The following MCF2L variants were observed in gnomAD, a reference collection of about 807,000 sequenced individuals.
MCF2L encodes MCF.2 cell line derived transforming sequence like, also known as guanine nucleotide exchange factor DBS.
Under a neutral mutation model 153.4 loss-of-function variants are expected in MCF2L, and 97 were observed. The observed-to-expected ratio is 0.63, with a 90% CI of 0.54 to 0.75. The LOEUF is 0.75. Among genes scored for constraint, MCF2L ranks in the 30% least tolerant of loss-of-function variants. MCF2L has a pLI of 0.00. For missense variants in MCF2L, 1,347 were observed against 1,495.2 expected (o/e 0.90, Z 1.64); for synonymous variants, 659 against 632.2 (o/e 1.04, Z -0.64).
intron 1 of MCF2L, among the ~76,000 whole-genome samples, chr13:112,990,356 T>G (rs1237643269): frequency 6.6e-6 from 1 of 152,238 alleles, no homozygotes; most frequent in Non-Finnish European, 1.5e-5. Context: ...GAGACCACTT[T>G]GTCTTCACCC....
At chr13:112,995,298 A>G (rs1180372920) in intron 1 of MCF2L, among the ~76,000 whole-genome samples, 1 of 152,204 alleles carries the variant, frequency 6.6e-6, no homozygotes, top group Non-Finnish European at 1.5e-5. Flanking sequence ...CCTCCTGAAC[A>G]TGCCTGTTTG....
chr13:113,014,897 G>C, intron 2 of MCF2L, 51 bp downstream of exon 2: 1 of 1,566,240 alleles, frequency 6.4e-7, no homozygotes, highest in Middle Eastern at 1.7e-4. Context: ...CTGGGGCCGG[G>C]TGTGGGCCGA....
chr13:113,014,272 C>T (rs1566737237), intron 1 of MCF2L, among the ~76,000 whole-genome samples: 1 of 152,196 alleles, frequency 6.6e-6, no homozygotes, highest in Non-Finnish European at 1.5e-5. Flanking sequence ...GGCACAGACC[C>T]CCGAGGGTCC....
At chr13:112,911,545 C>G (rs909213955) in intron 2 of MCF2L, among the ~76,000 whole-genome samples, 2 of 152,266 alleles carry the variant, frequency 1.3e-5, no homozygotes, top group Non-Finnish European at 1.5e-5. Context: ...CCTCTGAAAC[C>G]CTCCCTCACT....
At chr13:113,033,465 T>A (rs1231695679) in intron 3 of MCF2L, among the ~76,000 whole-genome samples, 2 of 151,510 alleles carry the variant, frequency 1.3e-5, no homozygotes, top group South Asian at 2.1e-4. Flanking sequence ...GTGGCCCCCG[T>A]GGCGTGAGTG....
rs2081699185 is a variant in MCF2L at position 112,951,992 on chromosome 13, C to G, written c.169+49621C>G. 6.6e-6 allele frequency among the ~76,000 whole-genome samples: 1 copy of G among 152,202 alleles called. No homozygotes were observed. Among genetic ancestry groups the G allele is most frequent in the Admixed American group, 6.5e-5 (1 of 15,286 alleles). On this transcript the variant is annotated intron_variant, in intron 2 of 29. Transcript: ENST00000375608. The surrounding 1 kb of genome is among the most constrained non-coding windows in gnomAD (Gnocchi z 4.8). ...CGTGAAGTGGGAAGAGGGAAAAGGG[C>G]TTTCCTTTTAGGGAATTATGACCTT...
chr13:112,986,751 G>A lies in MCF2L; in HGVS notation c.79+17293G>A, dbSNP rs542290138. 5.3e-5 allele frequency among the ~76,000 whole-genome samples: 8 copies of A among 152,328 alleles called. No homozygotes were observed. The South Asian group carries it at 1.0e-3, about 20-fold the overall frequency. ...GGCCGAGGGTGCCAACCCTGCCCAC[G>A]GGGCCTCAGTCCTGCAGCCGGGTCT... On this transcript the variant is annotated intron_variant, in intron 1 of 29. Transcript: ENST00000535094.
In MCF2L at chr13:112,951,475, G is replaced by A. The variant is rs1041905032; in HGVS notation, c.169+49104G>A. Reference sequence around the variant, plus strand: ...CCCAATGTCTTTTGGTGGGTGAAACGTTAAATTGTACGTCCGCACCATGAA... The same window carrying A: ...CCCAATGTCTTTTGGTGGGTGAAACATTAAATTGTACGTCCGCACCATGAA... On this transcript the variant is annotated intron_variant, in intron 2 of 29. Transcript: ENST00000375608. This position sits in a 1 kb window ranked among gnomAD's most constrained non-coding sequence, Gnocchi z 4.8. Among the ~76,000 whole-genome samples the A allele has an allele frequency of 1.3e-5, 2 of 152,196 alleles. No individual in the cohort carries two copies. Among genetic ancestry groups the A allele is most frequent in the East Asian group, 1.9e-4 (1 of 5,198 alleles).
intron 1 of MCF2L, among the ~76,000 whole-genome samples, chr13:112,996,683 C>T (rs1347363250): frequency 6.6e-6 from 1 of 152,222 alleles, no homozygotes; most frequent in Non-Finnish European, 1.5e-5. Flanking sequence ...CCCGATGGTC[C>T]CGAGACTGTC....
intron 22 of MCF2L, 104 bp from the exon 23 acceptor site, chr13:113,087,603 C>G: frequency 8.5e-7 from 1 of 1,174,110 alleles, no homozygotes; most frequent in Admixed American, 2.0e-5. Context: ...TTAGCCCTCA[C>G]CCCCAAAGTA....
chr13:113,085,270 C>A, intron 20 of MCF2L, 92 bp downstream of exon 20: 1 of 1,080,850 alleles, frequency 9.3e-7, no homozygotes, highest in Non-Finnish European at 1.4e-6. Flanking sequence ...TCGCGCCCTG[C>A]CCCTCCCAGG....
At chr13:112,939,629 T>C (rs2081555200) in intron 2 of MCF2L, among the ~76,000 whole-genome samples, 1 of 152,216 alleles carries the variant, frequency 6.6e-6, no homozygotes, top group Non-Finnish European at 1.5e-5. Context: ...TTGGGTTAAA[T>C]GGAAAGCGTC....
At chr13:112,894,619 GC>G (rs2081047945) in intron 1 of MCF2L, among the ~76,000 whole-genome samples, 1 of 152,080 alleles carries the variant, frequency 6.6e-6, no homozygotes, top group Non-Finnish European at 1.5e-5. Flanking sequence ...GGCCCCCGCG[GC>G]CCCTGCCCAG....
intron 26 of MCF2L, chr13:113,091,270 C>A: frequency 1.6e-6 from 2 of 1,245,368 alleles, no homozygotes; most frequent in Non-Finnish European, 2.1e-6. Context: ...GTCAGGTGGC[C>A]GTCAAGGCCA....
At chr13:113,088,444 G>A (rs781761325) in intron 24 of MCF2L, 39 bp downstream of exon 24, 36 of 1,610,684 alleles carry the variant, frequency 2.2e-5, no homozygotes, top group African/African-American at 5.3e-5. Context: ...CGTAGCTTCC[G>A]CTCCAGGTGC....
intron 26 of MCF2L, chr13:113,091,068 C>T (rs898808243): frequency 4.0e-5 from 52 of 1,303,792 alleles, no homozygotes; most frequent in Middle Eastern, 2.1e-4. Context: ...CGCCTCCCTC[C>T]GTCCTTCACA....
intron 1 of MCF2L, among the ~76,000 whole-genome samples, chr13:113,011,754 G>C (rs2084133390): frequency 7.3e-6 from 1 of 136,124 alleles, no homozygotes; most frequent in Non-Finnish European, 1.6e-5. Context: ...ACCGTGATGA[G>C]GACGGTGGAC....
At position 113,045,711 on chromosome 13, in the gene MCF2L, A is replaced by G. The variant is rs2086768730; in HGVS notation, c.369+350A>G. On this transcript the variant is annotated intron_variant, in intron 4 of 29. Coordinates refer to ENST00000535094, the MANE Select transcript of MCF2L (RefSeq NM_001112732.3). This position sits in a 1 kb window ranked among gnomAD's most constrained non-coding sequence, Gnocchi z 4.2. ...ACATTAGTGATTTTCTCCTTTCCAA[A>G]TCGGGCCATCTATCTTTAGCTGTGA... The G allele has an allele frequency of 3.5e-6, 1 of 284,190 alleles. No homozygotes were observed. Among genetic ancestry groups the G allele is most frequent in the Non-Finnish European group, 6.9e-6 (1 of 145,926 alleles). 17.6% of individuals were successfully genotyped at this position (284,190 alleles called of 1,614,324 possible). A position where few individuals can be genotyped will look rare whatever the true frequency, so the allele number is the denominator to read the frequency against.
At chr13:112,974,273 A>G (rs1414173470) in intron 1 of MCF2L, among the ~76,000 whole-genome samples, 3 of 152,128 alleles carry the variant, frequency 2.0e-5, no homozygotes, top group Non-Finnish European at 4.4e-5. Context: ...GGGCATGGCT[A>G]ACCTCTGAGT....
Sources: gnomAD v4.1 joint callset for allele counts (sites outside exome capture counted in the v4.1 genomes callset) on GRCh38, gnomAD v4.1.1 for gene constraint, Gnocchi (gnomAD v3.1) non-coding constraint, MANE v1.5 for transcripts, NCBI Gene and HGNC (gene_info 2026-07-23, HGNC 2026-07-21) for gene names.